Variants in TIAM2 observed in about 807,000 individuals in gnomAD.
TIAM2 encodes rho guanine nucleotide exchange factor TIAM2.
In TIAM2, 80 loss-of-function variants were observed where a neutral mutation model predicts 152.9. That is an observed-to-expected ratio of 0.52 (90% CI 0.44 to 0.63). The LOEUF (loss-of-function observed/expected upper bound fraction) is 0.63. TIAM2 is among the 30% of genes least tolerant of loss of function. The probability of loss-of-function intolerance (pLI) is 0.00; values close to 1 mark genes in which losing one functional copy is unlikely to be tolerated. For missense variants in TIAM2, 1,965 were observed against 2,120.1 expected, an observed-to-expected ratio of 0.93 and a Z score of 1.44; for synonymous variants, 804 against 838.0, an observed-to-expected ratio of 0.96 and a Z score of 0.70.
intron 2 of TIAM2, among the ~76,000 whole-genome samples, chr6:155,102,339 A>G (rs995652134): frequency 9.2e-5 from 14 of 152,230 alleles, no homozygotes; most frequent in African/African-American, 3.4e-4. Flanking sequence ...TTTATAGATT[A>G]GAACATGTTA....
chr6:155,028,786 T>TATATATACTGTGTTATATACTACATGTA, intron 1 of TIAM2, among the ~76,000 whole-genome samples: 7 of 96,788 alleles, frequency 7.2e-5, no homozygotes, highest in Non-Finnish European at 1.5e-4. Flanking sequence ...CTACATGTAA[T>TATATATACTGTGTTATATACTACATGTA]ATATATACTG....
intron 1 of TIAM2, among the ~76,000 whole-genome samples, chr6:155,085,245 G>C (rs1778149897): frequency 6.6e-6 from 1 of 152,174 alleles, no homozygotes; most frequent in African/African-American, 2.4e-5. Context: ...TTTAAATTCA[G>C]GGAGATGGTG....
chr6:155,013,253 G>A (rs1350833720), intron 1 of TIAM2, among the ~76,000 whole-genome samples: 1 of 152,104 alleles, frequency 6.6e-6, no homozygotes, highest in African/African-American at 2.4e-5. Flanking sequence ...TGCCATAGAC[G>A]ATCCAGAAAG....
In TIAM2 at chr6:155,164,608, C is replaced by T. The variant is rs757685817; in HGVS notation, c.2214+8C>T. The T allele has an allele frequency of 1.1e-5, 17 of 1,602,626 alleles. No homozygotes were observed. The South Asian group carries it at 1.2e-4, about 11-fold the overall frequency. On this transcript the variant is annotated splice_region_variant and intron_variant, in intron 8 of 26. Transcript: ENST00000682666. ...TCCTCTTTCCATGCTCTGGTAAGTT[C>T]CTGAGGAAGGCTGTTTCTGCAGCAT...
chr6:155,002,863 GTT>G (rs35428302), intron 1 of TIAM2, among the ~76,000 whole-genome samples: 50 of 148,120 alleles, frequency 3.4e-4, no homozygotes, highest in African/African-American at 1.1e-3. Context: ...GTGTGTGTGT[GTT>G]TTTTTTTTAG....
chr6:155,035,646 C>A (rs1483454931), intron 1 of TIAM2, among the ~76,000 whole-genome samples: 2 of 152,140 alleles, frequency 1.3e-5, no homozygotes, highest in Non-Finnish European at 2.9e-5. Flanking sequence ...TGTAACTTAG[C>A]CTCTTTTTTT....
In TIAM2 at chr6:155,114,043, T is replaced by A. The variant is rs1778945810; in HGVS notation, c.-117-13447T>A. ...ATATATATATATATATATATTTTTTTTTTTTTCTTTTTTTTTTTTTTTTTT... is the reference window on the plus strand; with the variant it reads ...ATATATATATATATATATATTTTTTATTTTTTCTTTTTTTTTTTTTTTTTT... On this transcript the variant is annotated intron_variant, in intron 2 of 26. Coordinates refer to ENST00000682666, the MANE Select transcript of TIAM2 (RefSeq NM_012454.4). 4.7e-3 allele frequency among the ~76,000 whole-genome samples: 334 copies of A among 70,642 alleles called. 3 individuals are homozygous for A. The highest frequency in any genetic ancestry group is 0.018 in the African/African-American group (251 of 13,950). The allele number at this position is 70,642 out of a possible 152,430, so 46.3% of individuals were successfully genotyped here.
chr6:155,107,238 CA>C (rs1403806486), intron 2 of TIAM2, among the ~76,000 whole-genome samples: 1 of 151,814 alleles, frequency 6.6e-6, no homozygotes, highest in East Asian at 1.9e-4. Flanking sequence ...AAATGTTTCT[CA>C]AAATGCTCCC....
In TIAM2 at chr6:155,165,243, TAAAC is replaced by T; in HGVS notation, c.2215-19_2215-16del. ...AAATACTAAGCCTTTAGATTTTTTT[TAAAC>T]TGTGTTTTACATTAGGTATGTTCTA... On this transcript the variant is annotated splice_polypyrimidine_tract_variant and intron_variant, in intron 8 of 26. Coordinates refer to ENST00000682666, the MANE Select transcript of TIAM2 (RefSeq NM_012454.4). 4 of 1,591,104 alleles carry T rather than the reference TAAAC, an allele frequency of 2.5e-6. No individual in the cohort carries two copies. Among genetic ancestry groups the T allele is most frequent in the Admixed American group, 3.7e-5 (2 of 53,636 alleles).
chr6:155,125,128 G>A (rs1484632282), intron 2 of TIAM2, among the ~76,000 whole-genome samples: 1 of 152,000 alleles, frequency 6.6e-6, no homozygotes, highest in Non-Finnish European at 1.5e-5. Context: ...AAAATTAGCT[G>A]GGTGTGGTGG....
At chr6:155,072,898 A>G (rs1777872383) in intron 1 of TIAM2, among the ~76,000 whole-genome samples, 1 of 152,144 alleles carries the variant, frequency 6.6e-6, no homozygotes, top group South Asian at 2.1e-4. Context: ...GAGCCTCAAG[A>G]AGTTGCATCG....
In TIAM2 at chr6:155,130,027, G is replaced by A. The variant is rs1452235464; in HGVS notation, c.804G>A (p.Leu268=). ...TGAGCGAGGCTGAGGGCTCCTTCCT[G>A]GCCCCCGGCATGCCTGACCCCAGTC... ...GELSEAEGSF[L]APGMPDPSLH... The change falls in exon 4 of 27, where the codon CTG becomes CTA. Residue 268 remains leucine (L), a synonymous_variant. Transcript: ENST00000682666. The A allele has an allele frequency of 1.9e-6, 3 of 1,614,074 alleles. No homozygotes were observed. The highest frequency in any genetic ancestry group is 3.3e-5 in the Admixed American group (2 of 60,014).
At chr6:155,251,584 G>A (rs925090878) in intron 22 of TIAM2, among the ~76,000 whole-genome samples, 4 of 152,154 alleles carry the variant, frequency 2.6e-5, no homozygotes, top group African/African-American at 9.7e-5. Context: ...ACCGTGCCTG[G>A]CCAGAAACCT....
At chr6:155,176,638 C>T (rs530724825) in intron 9 of TIAM2, among the ~76,000 whole-genome samples, 178 bp from the exon 10 acceptor site, 7 of 152,344 alleles carry the variant, frequency 4.6e-5, no homozygotes, top group African/African-American at 1.4e-4. Context: ...GCTGCAGTTT[C>T]ATCTGATAAA....
intron 15 of TIAM2, among the ~76,000 whole-genome samples, chr6:155,237,837 C>T (rs1305582155): frequency 1.3e-5 from 2 of 152,206 alleles, no homozygotes; most frequent in African/African-American, 2.4e-5. Flanking sequence ...CCACTTTTTC[C>T]TCCTAGGCCT....
Position 155,183,281 on chromosome 6 carries a change from G to A in TIAM2, c.2845G>A (p.Val949Met). The change falls in exon 14 of 27, where the codon GTG becomes ATG. Residue 949 changes from valine (V) to methionine (M), a missense_variant. Transcript: ENST00000682666. ...GATCATGACCTTAAATGGGGAAGCT[G>A]TGTCTGATCTTGACCTTAAGCAGAT... ...NEIMTLNGEA[V>M]SDLDLKQMEA... 1 of 1,614,196 alleles carries A rather than the reference G, an allele frequency of 6.2e-7. No individual in the cohort carries two copies. Among genetic ancestry groups the A allele is most frequent in the East Asian group, 2.2e-5 (1 of 44,882 alleles).
At chr6:155,071,822 G>C (rs1777844961) in intron 1 of TIAM2, among the ~76,000 whole-genome samples, 1 of 151,920 alleles carries the variant, frequency 6.6e-6, no homozygotes, top group East Asian at 1.9e-4. Context: ...CTTGAACCTG[G>C]GAGGTGGAGG....
chr6:155,208,268 T>C (rs983715726), intron 14 of TIAM2, among the ~76,000 whole-genome samples: 4 of 152,214 alleles, frequency 2.6e-5, no homozygotes, highest in African/African-American at 7.2e-5. Context: ...CACTTTTACA[T>C]TGTATGGCTT....
intron 1 of TIAM2, among the ~76,000 whole-genome samples, chr6:155,052,689 C>G (rs1777343657): frequency 6.6e-6 from 1 of 151,210 alleles, no homozygotes; most frequent in South Asian, 2.1e-4. Context: ...TCGCTTGAAC[C>G]CAGGAGGTGG....
Sources: gnomAD v4.1 joint callset for allele counts (sites outside exome capture counted in the v4.1 genomes callset) on GRCh38, gnomAD v4.1.1 for gene constraint, MANE v1.5 for transcripts, NCBI Gene and HGNC (gene_info 2026-07-23, HGNC 2026-07-21) for gene names.